Variants in CLCN7 observed in about 807,000 individuals in gnomAD.
CLCN7 encodes the protein H(+)/Cl(-) exchange transporter 7.
CLCN7 carries 60 observed loss-of-function variants against 102.1 expected under a neutral mutation model. The ratio of observed to expected loss-of-function variants is 0.59; its 90% CI spans 0.48 to 0.73. The LOEUF is 0.73. Ranked by LOEUF, CLCN7 falls within the 30% of genes least tolerant of loss-of-function variation. The pLI is 0.00. For missense variants in CLCN7, 962 were observed against 1,125.7 expected, an observed-to-expected ratio of 0.85 and a Z score of 2.08; for synonymous variants, 560 against 490.5, an observed-to-expected ratio of 1.14 and a Z score of -1.87.
chr16:1,452,881 C>A lies in CLCN7; in HGVS notation c.1227G>T (p.Arg409=). Residue 409 remains arginine, a synonymous_variant, in exon 15 of 25, where the codon CGG becomes CGT. Transcript: ENST00000382745. ...LTMFRIRYIH[R]PCLQVIEAVL... Reference sequence around the variant, plus strand: ...CGGCCTCAATCACCTGCAGGCAGGGCCGGTGGATGTACCTGGAACCAAGAA... The same window carrying A: ...CGGCCTCAATCACCTGCAGGCAGGGACGGTGGATGTACCTGGAACCAAGAA... 2 of 1,570,026 alleles carry A rather than the reference C, an allele frequency of 1.3e-6. No homozygotes were observed. The highest frequency in any genetic ancestry group is 1.7e-6 in the Non-Finnish European group (2 of 1,157,836).
At position 1,475,002 on chromosome 16, in the gene CLCN7, G is replaced by A; in HGVS notation, c.-28C>T. ...CCCGCCGCGGAGCGACACCGGCCGGGAAGCGCCGGCTGCCCCCGTGTTTGT... is the reference window on the plus strand; with the variant it reads ...CCCGCCGCGGAGCGACACCGGCCGGAAAGCGCCGGCTGCCCCCGTGTTTGT... On this transcript the variant is annotated 5_prime_UTR_variant, in exon 1 of 25. Transcript: ENST00000382745. The A allele has an allele frequency of 4.2e-6, 6 of 1,439,330 alleles. No individual in the cohort carries two copies. The highest frequency in any genetic ancestry group is 2.8e-5 in the South Asian group (2 of 72,724). 89.2% of individuals were successfully genotyped at this position (1,439,330 alleles called of 1,614,324 possible).
chr16:1,457,811 A>G lies in CLCN7; in HGVS notation c.676-55T>C. The stretch of plus-strand genomic sequence containing the variant: ...ATGAAAAGGCAGGCGCTGTCTTTGG[A>G]CCTGAGCCGTAAAACAGCACACACA... On this transcript the variant is annotated intron_variant, in intron 7 of 24. Coordinates refer to ENST00000382745, the MANE Select transcript of CLCN7 (RefSeq NM_001287.6). This position sits in a 1 kb window ranked among gnomAD's most constrained non-coding sequence, Gnocchi z 5.4. 6.4e-7 allele frequency: 1 copy of G among 1,557,834 alleles called. No individual in the cohort carries two copies.
intron 20 of CLCN7, 48 bp from the exon 21 acceptor site, chr16:1,448,532 CCA>C (rs765871573): frequency 1.9e-6 from 3 of 1,603,948 alleles, no homozygotes; most frequent in Non-Finnish European, 2.5e-6. Context: ...CCACCAACTC[CCA>C]CAGTTACCTC....
At position 1,451,583 on chromosome 16, in the gene CLCN7, C is replaced by G. The variant is rs1170117322; in HGVS notation, c.1447+40G>C. On this transcript the variant is annotated intron_variant, in intron 16 of 24. Transcript: ENST00000382745. ...TCAGCCAGAAGGCATCACCCAGGCC[C>G]TGATCCCAGGGCCTGCCCAGCGGCA... The G allele has an allele frequency of 3.2e-6, 5 of 1,576,778 alleles. No homozygotes were observed. The East Asian group carries it at 9.0e-5, about 28-fold the overall frequency.
chr16:1,446,841 C>T (rs911011144), intron 24 of CLCN7, 124 bp from the exon 25 acceptor site: 21 of 1,123,282 alleles, frequency 1.9e-5, no homozygotes, highest in South Asian at 5.3e-5. Context: ...GCACAGCCCC[C>T]GAGCTGAGCA....
intron 2 of CLCN7, among the ~76,000 whole-genome samples, chr16:1,463,156 A>T (rs896765587): frequency 6.6e-6 from 1 of 152,120 alleles, no homozygotes; most frequent in Non-Finnish European, 1.5e-5. Flanking sequence ...GAGGGAGGGT[A>T]TGACGTTGGA....
chr16:1,463,656 T>C (rs1454525878), intron 2 of CLCN7, among the ~76,000 whole-genome samples: 1 of 152,122 alleles, frequency 6.6e-6, no homozygotes, highest in Non-Finnish European at 1.5e-5. Flanking sequence ...GTTTTTGTTT[T>C]TGTTTTTTGT....
rs1447569031 is a variant in CLCN7 at position 1,447,438 on chromosome 16, A to G, written c.2204T>C (p.Met735Thr). 3 of 1,552,200 alleles carry G rather than the reference A, an allele frequency of 1.9e-6. No individual in the cohort carries two copies. Among genetic ancestry groups the G allele is most frequent in the Non-Finnish European group, 2.6e-6 (3 of 1,147,994 alleles). The change falls in exon 23 of 25, where the codon ATG (methionine) becomes ACG (threonine). Residue 735 changes from methionine to threonine, a missense_variant. Met to Thr is a moderately conservative substitution (Grantham distance 81, BLOSUM62 -1). Around this residue, in one of 2 missense-constraint regions of CLCN7, gnomAD observed 799 missense variants for 988.0 expected, o/e 0.81. Coordinates refer to ENST00000382745, the MANE Select transcript of CLCN7 (RefSeq NM_001287.6). ...GGGGTTCATGAACTCGGAGAGGTCC[A>G]TGGTGCACTCCCGCTCGTCCTGGGA... The part of the protein sequence containing the change: ...HVSQDERECT[M>T]DLSEFMNPSP...
Position 1,446,343 on chromosome 16 carries a change from G to A in CLCN7, c.*288C>T. ...TCCCAAGAGGCCGATAGCCCGGTAG[G>A]GAGGTCACACACACACAGCTGATCC... On this transcript the variant is annotated 3_prime_UTR_variant, in exon 25 of 25. Transcript: ENST00000382745. 1 of 702,112 alleles carries A rather than the reference G, an allele frequency of 1.4e-6. No homozygotes were observed. Among genetic ancestry groups the A allele is most frequent in the East Asian group, 2.7e-5 (1 of 37,288 alleles). 43.5% of individuals were successfully genotyped at this position (702,112 alleles called of 1,614,324 possible).
chr16:1,453,420 G>C (rs995131405), intron 14 of CLCN7, among the ~76,000 whole-genome samples: 1 of 152,166 alleles, frequency 6.6e-6, no homozygotes, highest in Non-Finnish European at 1.5e-5. Flanking sequence ...GGGAAGTGGC[G>C]CTACCCGTGC....
intron 9 of CLCN7, among the ~76,000 whole-genome samples, chr16:1,456,965 G>A (rs1269198397): frequency 6.6e-6 from 1 of 152,156 alleles, no homozygotes; most frequent in Non-Finnish European, 1.5e-5. Flanking sequence ...GGGCACACTT[G>A]GTCTCAGGTT....
intron 5 of CLCN7, 100 bp downstream of exon 5, chr16:1,460,716 C>A: frequency 1.9e-6 from 3 of 1,580,192 alleles, no homozygotes; most frequent in African/African-American, 2.7e-5. Flanking sequence ...CGGGCCGCCT[C>A]CACCTGCACT....
intron 2 of CLCN7, among the ~76,000 whole-genome samples, chr16:1,464,424 C>G (rs1213213463): frequency 6.6e-6 from 1 of 152,252 alleles, no homozygotes; most frequent in Non-Finnish European, 1.5e-5. Flanking sequence ...AAGGCGCCCA[C>G]GGCCACGAAA....
intron 6 of CLCN7, 36 bp from the exon 7 acceptor site, chr16:1,459,223 C>G (rs2038888832): frequency 2.6e-6 from 4 of 1,557,518 alleles, no homozygotes; most frequent in African/African-American, 1.4e-5. Flanking sequence ...TGGGTCACGG[C>G]CAGGCTGAGA....
intron 21 of CLCN7, 21 bp downstream of exon 21, chr16:1,448,334 T>C (rs1165433987): frequency 6.2e-7 from 1 of 1,612,412 alleles, no homozygotes; most frequent in Non-Finnish European, 8.5e-7. Context: ...GGCAGGACCC[T>C]GTCTATGGGG....
intron 1 of CLCN7, among the ~76,000 whole-genome samples, chr16:1,470,736 G>C (rs184076873): frequency 6.6e-6 from 1 of 152,196 alleles, no homozygotes; most frequent in Non-Finnish European, 1.5e-5. Context: ...GGCCACTGGC[G>C]ACGACCCCAG....
At chr16:1,451,848 T>C in intron 15 of CLCN7, 132 bp from the exon 16 acceptor site, 2 of 723,526 alleles carry the variant, frequency 2.8e-6, no homozygotes, top group Non-Finnish European at 4.9e-6. Context: ...CACACGATCC[T>C]GCCATTGGGT....
At chr16:1,460,119 G>A (rs2038909542) in intron 6 of CLCN7, among the ~76,000 whole-genome samples, 1 of 151,906 alleles carries the variant, frequency 6.6e-6, no homozygotes, top group Non-Finnish European at 1.5e-5. Context: ...GGAGGCGGAG[G>A]TGGAGATGGA....
At chr16:1,459,850 C>A (rs12925242) in intron 6 of CLCN7, among the ~76,000 whole-genome samples, 1 of 101,782 alleles carries the variant, frequency 9.8e-6, no homozygotes, top group African/African-American at 3.9e-5. Flanking sequence ...TCAGCACACA[C>A]GTCGGGGCCC....
Sources: gnomAD v4.1 joint callset for allele counts (sites outside exome capture counted in the v4.1 genomes callset) on GRCh38, gnomAD v4.1.1 for gene constraint, gnomAD v4.1.1 regional missense constraint, Gnocchi (gnomAD v3.1) non-coding constraint, MANE v1.5 for transcripts, NCBI Gene and HGNC (gene_info 2026-07-23, HGNC 2026-07-21) for gene names.